EXOC6B: variants seen among roughly 807,000 people sequenced by gnomAD.
The protein encoded by EXOC6B is exocyst complex component 6B, also known as SEC15 homolog B.
EXOC6B carries 54 observed loss-of-function variants against 113.5 expected under a neutral mutation model. The ratio of observed to expected loss-of-function variants is 0.48; its 90% confidence interval spans 0.38 to 0.60. The LOEUF is 0.60. EXOC6B is among the 20% of genes least tolerant of loss of function. EXOC6B has a pLI of 0.00. For missense variants in EXOC6B, 797 were observed against 977.5 expected (o/e 0.82, Z 2.46); for synonymous variants, 357 against 339.0 (o/e 1.05, Z -0.58).
intron 11 of EXOC6B, among the ~76,000 whole-genome samples, chr2:72,501,370 C>T (rs1700312535): frequency 6.6e-6 from 1 of 152,140 alleles, no homozygotes; most frequent in Non-Finnish European, 1.5e-5. Context: ...ACTAACTCCC[C>T]TTTGCCTTTT....
chr2:72,822,166 ATTG>A (rs2105179446), intron 1 of EXOC6B, among the ~76,000 whole-genome samples: 1 of 152,334 alleles, frequency 6.6e-6, no homozygotes, highest in Admixed American at 6.5e-5. Context: ...ACAGGGAGCT[ATTG>A]TTCATAAATG....
At position 72,777,286 on chromosome 2, in the gene EXOC6B, G is replaced by C. The variant is rs577392250; in HGVS notation, c.114-35817C>G. ...CTCTTGAGATTCTTGAAAGCAACAA[G>C]AGAGAAGCAACTCATTGTGTATTAA... On this transcript the variant is annotated intron_variant, in intron 1 of 21. Coordinates refer to ENST00000272427, the MANE Select transcript of EXOC6B (RefSeq NM_015189.3). 1.2e-4 allele frequency among the ~76,000 whole-genome samples: 19 copies of C among 152,242 alleles called. No individual in the cohort carries two copies. The East Asian group carries it at 1.3e-3, about 11-fold the overall frequency.
chr2:72,357,792 C>A (rs598496), intron 19 of EXOC6B, among the ~76,000 whole-genome samples: 1 of 151,938 alleles, frequency 6.6e-6, no homozygotes, highest in African/African-American at 2.4e-5. Context: ...TCTGTTTAGA[C>A]ACACAAATTC....
intron 20 of EXOC6B, among the ~76,000 whole-genome samples, chr2:72,327,988 G>C (rs902939761): frequency 6.6e-6 from 1 of 151,840 alleles, no homozygotes; most frequent in South Asian, 2.1e-4. Context: ...TGCTGATCCA[G>C]CCTTTGCTAT....
intron 20 of EXOC6B, among the ~76,000 whole-genome samples, chr2:72,312,872 G>A (rs1687287741): frequency 6.6e-6 from 1 of 151,518 alleles, no homozygotes; most frequent in African/African-American, 2.4e-5. Context: ...TTACATTGGG[G>A]AAATAAAAAT....
At chr2:72,342,018 G>C (rs1689060220) in intron 19 of EXOC6B, among the ~76,000 whole-genome samples, 1 of 151,790 alleles carries the variant, frequency 6.6e-6, no homozygotes, top group Admixed American at 6.6e-5. Context: ...ATTAAAAAGG[G>C]AATAAAAATA....
At chr2:72,202,981 G>A (rs1679582451) in intron 20 of EXOC6B, among the ~76,000 whole-genome samples, 1 of 152,210 alleles carries the variant, frequency 6.6e-6, no homozygotes, top group South Asian at 2.1e-4. Context: ...AGTTCACGAC[G>A]TTCATCGTTT....
chr2:72,390,611 T>C (rs751999043), intron 18 of EXOC6B, among the ~76,000 whole-genome samples: 6 of 152,224 alleles, frequency 3.9e-5, no homozygotes, highest in Non-Finnish European at 8.8e-5. Context: ...TTTACTGGTA[T>C]GCACTTTTAT....
At chr2:72,500,846 T>A (rs1164870402) in intron 11 of EXOC6B, among the ~76,000 whole-genome samples, 1 of 152,204 alleles carries the variant, frequency 6.6e-6, no homozygotes, top group African/African-American at 2.4e-5. Context: ...AAGAGGTGTT[T>A]TGAATTCTCC....
At chr2:72,818,398 T>A (rs1294413239) in intron 1 of EXOC6B, among the ~76,000 whole-genome samples, 1 of 150,842 alleles carries the variant, frequency 6.6e-6, no homozygotes, top group Non-Finnish European at 1.5e-5. Flanking sequence ...CCTGACCTCG[T>A]GATCCGCCCG....
chr2:72,743,231 CTCCTGACAGTCTCCA>C (rs1466703301), intron 1 of EXOC6B, among the ~76,000 whole-genome samples: 1 of 152,160 alleles, frequency 6.6e-6, no homozygotes, highest in Non-Finnish European at 1.5e-5. Flanking sequence ...ATGCAACAGC[CTCCTGACAGTCTCCA>C]TTCTGCACTT....
rs908047817 is a variant in EXOC6B, at chr2:72,224,994, G to GTGTATATATATATATATATATATATATA, written c.2197-40808_2197-40807insTATATATATATATATATATATATATACA. ...CATCTCTCTCTGTATGTGTGTGTGTGTATATATATATAAATACACATACTT... is the reference window on the plus strand; with the variant it reads ...CATCTCTCTCTGTATGTGTGTGTGTGTGTATATATATATATATATATATATATATATATATATATAAATACACATACTT... On this transcript the variant is annotated intron_variant, in intron 20 of 21. Coordinates refer to ENST00000272427, the MANE Select transcript of EXOC6B (RefSeq NM_015189.3). Among the ~76,000 whole-genome samples the GTGTATATATATATATATATATATATATA allele has an allele frequency of 7.9e-3, 1,086 of 137,120 alleles. 38 individuals are homozygous for GTGTATATATATATATATATATATATATA. The highest frequency in any genetic ancestry group is 0.021 in the Admixed American group (282 of 13,352). The allele number at this position is 137,120 out of a possible 152,430, so 90.0% of individuals were successfully genotyped here. A position where few individuals can be genotyped will look rare whatever the true frequency, so the allele number is the denominator to read the frequency against.
chr2:72,224,563 T>C (rs1400243348), intron 20 of EXOC6B, among the ~76,000 whole-genome samples: 1 of 152,208 alleles, frequency 6.6e-6, no homozygotes, highest in Non-Finnish European at 1.5e-5. Context: ...CAGAATCTTC[T>C]TGGAGAGAAA....
At chr2:72,742,719 C>T (rs917464146) in intron 1 of EXOC6B, among the ~76,000 whole-genome samples, 1 of 152,174 alleles carries the variant, frequency 6.6e-6, no homozygotes, top group Non-Finnish European at 1.5e-5. Flanking sequence ...GCTCCTCCTC[C>T]TCTATTACAT....
At chr2:72,561,544 C>T (rs776838389) in intron 7 of EXOC6B, among the ~76,000 whole-genome samples, 1 of 152,014 alleles carries the variant, frequency 6.6e-6, no homozygotes, top group Non-Finnish European at 1.5e-5. Flanking sequence ...GTAGCCATTC[C>T]TCAGACAAGG....
intron 6 of EXOC6B, among the ~76,000 whole-genome samples, chr2:72,597,517 AT>A (rs899935361): frequency 7.9e-5 from 12 of 151,916 alleles, no homozygotes; most frequent in East Asian, 7.7e-4. Context: ...GGAAAAAAAG[AT>A]TTTTTTAAAG....
chr2:72,453,620 T>C (rs1697036903), intron 18 of EXOC6B, among the ~76,000 whole-genome samples: 1 of 152,164 alleles, frequency 6.6e-6, no homozygotes, highest in Non-Finnish European at 1.5e-5. Flanking sequence ...CATAAATACA[T>C]AACATTTCAC....
chr2:72,789,321 T>C (rs1271311777), intron 1 of EXOC6B, among the ~76,000 whole-genome samples: 1 of 152,154 alleles, frequency 6.6e-6, no homozygotes, highest in Non-Finnish European at 1.5e-5. Context: ...AAGCAATAAA[T>C]GCTAATTTCT....
chr2:72,475,817 C>T (rs1370583634), intron 17 of EXOC6B, among the ~76,000 whole-genome samples: 1 of 152,172 alleles, frequency 6.6e-6, no homozygotes, highest in African/African-American at 2.4e-5. Flanking sequence ...AAGTGGCACT[C>T]TTTCCTCAGC....
Sources: gnomAD v4.1 joint callset for allele counts (sites outside exome capture counted in the v4.1 genomes callset) on GRCh38, gnomAD v4.1.1 for gene constraint, MANE v1.5 for transcripts, NCBI Gene and HGNC (gene_info 2026-07-23, HGNC 2026-07-21) for gene names.